The following UBE2E2 variants were observed in gnomAD, a reference collection of about 807,000 sequenced individuals.
UBE2E2 encodes the protein ubiquitin conjugating enzyme E2 E2, also known as ubiquitin-conjugating enzyme E2 E2.
A neutral mutation model predicts 24.7 loss-of-function variants in UBE2E2; 6 were observed. The observed-to-expected ratio is 0.24, with a 90% confidence interval of 0.13 to 0.48. The LOEUF is 0.48. Among genes scored for constraint, UBE2E2 ranks in the 20% least tolerant of loss-of-function variants. The pLI, the probability that UBE2E2 is intolerant of heterozygous loss-of-function variation, is 0.99. For missense variants in UBE2E2, 169 were observed against 245.0 expected (o/e 0.69, Z 2.07); for synonymous variants, 104 against 83.6 (o/e 1.24, Z -1.33).
chr3:23,433,377 G>A (rs923775323), intron 3 of UBE2E2, among the ~76,000 whole-genome samples: 6 of 151,900 alleles, frequency 3.9e-5, no homozygotes, highest in East Asian at 1.9e-4. Flanking sequence ...TGTTTTATGC[G>A]TGCTTCTAGA....
chr3:23,223,839 G>T lies in UBE2E2; in HGVS notation c.227+6527G>T, dbSNP rs144230773. 8.0e-3 allele frequency among the ~76,000 whole-genome samples: 1,215 copies of T among 152,200 alleles called. 13 individuals are homozygous for T. Among genetic ancestry groups the T allele is most frequent in the African/African-American group, 0.027 (1,121 of 41,532 alleles). On this transcript the variant is annotated intron_variant, in intron 3 of 5. Coordinates refer to ENST00000396703, the MANE Select transcript of UBE2E2 (RefSeq NM_152653.4). The stretch of plus-strand genomic sequence containing the variant: ...TTTTTTTGTGTATGGTGAGAGATAG[G>T]GGTTTAGTTTCATTCTTCATATATA...
intron 3 of UBE2E2, among the ~76,000 whole-genome samples, chr3:23,498,328 T>G (rs1699650744): frequency 6.6e-6 from 1 of 152,206 alleles, no homozygotes; most frequent in Non-Finnish European, 1.5e-5. Flanking sequence ...GTTTCTCTGT[T>G]TTTCAAATAT....
chr3:23,427,949 T>G (rs1159782276), intron 3 of UBE2E2, among the ~76,000 whole-genome samples: 1 of 152,102 alleles, frequency 6.6e-6, no homozygotes, highest in African/African-American at 2.4e-5. Context: ...TAAAGAGAAA[T>G]AGATGATTTG....
chr3:23,377,678 C>T (rs889813376), intron 3 of UBE2E2, among the ~76,000 whole-genome samples: 1 of 152,214 alleles, frequency 6.6e-6, no homozygotes, highest in Non-Finnish European at 1.5e-5. Context: ...TTTCCCTGTT[C>T]TCCTTAAGGG....
chr3:23,366,448 T>C (rs1391400609), intron 3 of UBE2E2, among the ~76,000 whole-genome samples: 1 of 152,148 alleles, frequency 6.6e-6, no homozygotes, highest in African/African-American at 2.4e-5. Flanking sequence ...AGTATGGATA[T>C]ACCATGGAAT....
intron 3 of UBE2E2, among the ~76,000 whole-genome samples, chr3:23,348,019 G>A (rs1160258091): frequency 6.6e-6 from 1 of 152,046 alleles, no homozygotes; most frequent in African/African-American, 2.4e-5. Flanking sequence ...AAAAAAGAAG[G>A]GGTTCATAAG....
intron 3 of UBE2E2, among the ~76,000 whole-genome samples, chr3:23,307,745 A>G (rs1330529557): frequency 6.6e-6 from 1 of 152,186 alleles, no homozygotes; most frequent in Admixed American, 6.6e-5. Flanking sequence ...GTATATTTTA[A>G]TTAAAATACT....
chr3:23,458,586 T>G (rs959299780), intron 3 of UBE2E2, among the ~76,000 whole-genome samples: 1 of 152,050 alleles, frequency 6.6e-6, no homozygotes, highest in Non-Finnish European at 1.5e-5. Context: ...CTGGGCTAAT[T>G]TTTTGTATTT....
At chr3:23,446,836 T>A (rs936144771) in intron 3 of UBE2E2, among the ~76,000 whole-genome samples, 1 of 151,856 alleles carries the variant, frequency 6.6e-6, no homozygotes, top group African/African-American at 2.4e-5. Flanking sequence ...GTCAAAACTT[T>A]ATTAATTAAT....
chr3:23,408,025 T>C (rs1289059025), intron 3 of UBE2E2, among the ~76,000 whole-genome samples: 3 of 152,076 alleles, frequency 2.0e-5, no homozygotes, highest in Non-Finnish European at 4.4e-5. Flanking sequence ...ACAATGTCAC[T>C]GAAGTAAATA....
At chr3:23,302,564 A>G (rs1473352329) in intron 3 of UBE2E2, among the ~76,000 whole-genome samples, 10 of 152,202 alleles carry the variant, frequency 6.6e-5, no homozygotes, top group Non-Finnish European at 1.3e-4. Flanking sequence ...AGTGCTGAAT[A>G]GCTTATCATC....
intron 4 of UBE2E2, among the ~76,000 whole-genome samples, chr3:23,523,334 A>T (rs1366689166): frequency 6.6e-6 from 1 of 152,214 alleles, no homozygotes; most frequent in Non-Finnish European, 1.5e-5. Context: ...TGATGGGGAA[A>T]ATTTTCTAGT....
At chr3:23,271,945 A>C (rs1211992161) in intron 3 of UBE2E2, among the ~76,000 whole-genome samples, 4 of 152,282 alleles carry the variant, frequency 2.6e-5, no homozygotes, top group South Asian at 4.1e-4. Context: ...TCGTCACCTG[A>C]CTCAGGAGCC....
intron 3 of UBE2E2, among the ~76,000 whole-genome samples, chr3:23,218,235 A>G (rs1473016091): frequency 6.6e-6 from 1 of 152,170 alleles, no homozygotes; most frequent in Non-Finnish European, 1.5e-5. Context: ...GAAAAATTCT[A>G]ATAGGACTTA....
chr3:23,253,591 C>A (rs1254887804), intron 3 of UBE2E2, among the ~76,000 whole-genome samples: 2 of 152,134 alleles, frequency 1.3e-5, no homozygotes, highest in African/African-American at 4.8e-5. Flanking sequence ...AGTTCATAAT[C>A]TTTAATTCAG....
intron 3 of UBE2E2, among the ~76,000 whole-genome samples, chr3:23,251,324 G>A (rs966075774): frequency 6.6e-6 from 1 of 152,154 alleles, no homozygotes; most frequent in African/African-American, 2.4e-5. Flanking sequence ...ATGAAGAACC[G>A]TTATTCTCTG....
intron 3 of UBE2E2, among the ~76,000 whole-genome samples, chr3:23,303,463 G>C (rs1033312588): frequency 6.6e-6 from 1 of 151,914 alleles, no homozygotes; most frequent in Non-Finnish European, 1.5e-5. Flanking sequence ...CCTCACTACT[G>C]CTTTTATTTA....
At chr3:23,466,788 C>T (rs1193653988) in intron 3 of UBE2E2, among the ~76,000 whole-genome samples, 2 of 151,970 alleles carry the variant, frequency 1.3e-5, no homozygotes, top group Non-Finnish European at 2.9e-5. Context: ...AGGCTGGTCT[C>T]GAACCCCTGA....
chr3:23,532,221 G>A, intron 4 of UBE2E2, among the ~76,000 whole-genome samples: 1 of 152,104 alleles, frequency 6.6e-6, no homozygotes, highest in Non-Finnish European at 1.5e-5. Flanking sequence ...TTAGAAGTCA[G>A]AGTCAGTTTC....
Sources: gnomAD v4.1 joint callset for allele counts (sites outside exome capture counted in the v4.1 genomes callset) on GRCh38, gnomAD v4.1.1 for gene constraint, MANE v1.5 for transcripts, NCBI Gene and HGNC (gene_info 2026-07-23, HGNC 2026-07-21) for gene names.